TANC1: variants seen among roughly 807,000 people sequenced by gnomAD.
TANC1 encodes the protein protein TANC1.
A neutral mutation model predicts 149.7 loss-of-function variants in TANC1; 77 were observed. That is an observed-to-expected ratio of 0.51 (90% CI 0.43 to 0.62). The LOEUF (loss-of-function observed/expected upper bound fraction) is 0.62. Ranked by LOEUF, TANC1 falls within the 20% of genes least tolerant of loss-of-function variation. TANC1 has a pLI of 0.00. For missense variants in TANC1, 1,985 were observed against 2,321.8 expected (o/e 0.85, Z 2.98); for synonymous variants, 854 against 925.0 (o/e 0.92, Z 1.39).
intron 19 of TANC1, among the ~76,000 whole-genome samples, chr2:159,213,704 G>A (rs984562826): frequency 2.6e-5 from 4 of 152,126 alleles, no homozygotes; most frequent in African/African-American, 4.8e-5. Flanking sequence ...TGTTAAGAAC[G>A]GCTCTTCCTG....
chr2:159,230,739 T>C lies in TANC1; in HGVS notation c.5313T>C (p.Ser1771=), dbSNP rs760595996. ...AGTCTGCTAACACTGAGAAGCCCTC[T>C]CTCATGCAAGTGGGAGGATATAATA... ...GLQSANTEKP[S]LMQVGGYNNQ... is the part of the protein sequence containing the mutation. Residue 1771 remains serine, a synonymous_variant, in exon 27 of 27, where the codon TCT becomes TCC. Coordinates refer to ENST00000263635, the MANE Select transcript of TANC1 (RefSeq NM_033394.3). The surrounding 1 kb of genome is among the most constrained non-coding windows in gnomAD (Gnocchi z 4.4). 6.2e-6 allele frequency: 10 copies of C among 1,614,184 alleles called. No homozygotes were observed. Among genetic ancestry groups the C allele is most frequent in the East Asian group, 2.2e-5 (1 of 44,882 alleles).
At chr2:158,992,128 T>C (rs1013211697) in intron 1 of TANC1, among the ~76,000 whole-genome samples, 2 of 152,112 alleles carry the variant, frequency 1.3e-5, no homozygotes, top group East Asian at 3.9e-4. Context: ...TTTGGGAGGC[T>C]GAGACAGGCA....
intron 2 of TANC1, among the ~76,000 whole-genome samples, chr2:159,009,686 A>G (rs2037572165): frequency 6.6e-6 from 1 of 152,176 alleles, no homozygotes; most frequent in Non-Finnish European, 1.5e-5. Flanking sequence ...TCCTATAGCA[A>G]TCTCAGGTGA....
At chr2:159,136,049 T>TGTGCGA in intron 4 of TANC1, 145 bp from the exon 5 acceptor site, 1 of 90,880 alleles carries the variant, frequency 1.1e-5, no homozygotes, top group Non-Finnish European at 2.1e-5. Flanking sequence ...TGTGTGTGTG[T>TGTGCGA]GCGCGCGCGC....
chr2:159,000,330 G>T (rs766545604), intron 1 of TANC1, among the ~76,000 whole-genome samples: 1 of 152,166 alleles, frequency 6.6e-6, no homozygotes, highest in East Asian at 1.9e-4. Flanking sequence ...GTGTTAGCAC[G>T]TCAAGCCTGC....
intron 2 of TANC1, among the ~76,000 whole-genome samples, chr2:159,008,555 C>T (rs1226725516): frequency 6.6e-6 from 1 of 152,132 alleles, no homozygotes; most frequent in Non-Finnish European, 1.5e-5. Flanking sequence ...ATACCCAAAA[C>T]GTCGAATCTT....
At chr2:159,022,083 T>A (rs1016008353) in intron 2 of TANC1, among the ~76,000 whole-genome samples, 7 of 152,254 alleles carry the variant, frequency 4.6e-5, no homozygotes, top group Admixed American at 1.3e-4. Context: ...GAAATCCTGG[T>A]ATACGTAACT....
At chr2:158,982,845 A>C (rs2034532097) in intron 1 of TANC1, among the ~76,000 whole-genome samples, 1 of 152,006 alleles carries the variant, frequency 6.6e-6, no homozygotes, top group African/African-American at 2.4e-5. Flanking sequence ...GCTGGTCTCG[A>C]ATGCCTGGGC....
chr2:159,124,823 T>C (rs2049229726), intron 4 of TANC1, among the ~76,000 whole-genome samples: 1 of 151,234 alleles, frequency 6.6e-6, no homozygotes, highest in Admixed American at 6.6e-5. Context: ...CACTGCAGCC[T>C]CGACTTGTGT....
At chr2:159,210,342 T>G (rs2058901421) in intron 19 of TANC1, among the ~76,000 whole-genome samples, 1 of 152,190 alleles carries the variant, frequency 6.6e-6, no homozygotes, top group South Asian at 2.1e-4. Context: ...GAGCACATCC[T>G]GTGAATTTGA....
intron 4 of TANC1, among the ~76,000 whole-genome samples, chr2:159,130,545 T>C (rs1036549660): frequency 1.3e-5 from 2 of 152,178 alleles, no homozygotes; most frequent in Admixed American, 6.5e-5. Flanking sequence ...TCATGTGTGA[T>C]TGGCGCTTGG....
chr2:159,127,964 A>G (rs918317039), intron 4 of TANC1, among the ~76,000 whole-genome samples: 1 of 152,250 alleles, frequency 6.6e-6, no homozygotes, highest in Non-Finnish European at 1.5e-5. Flanking sequence ...CGTTGCACCA[A>G]TGAATAAAGG....
intron 3 of TANC1, among the ~76,000 whole-genome samples, chr2:159,093,474 G>A (rs190878781): frequency 2.0e-5 from 3 of 152,210 alleles, no homozygotes; most frequent in Admixed American, 2.0e-4. Flanking sequence ...TTCTGCCCGT[G>A]GCATCATCGT....
chr2:159,169,394 G>T, intron 9 of TANC1, 22 bp downstream of exon 9: 1 of 1,611,988 alleles, frequency 6.2e-7, no homozygotes, highest in South Asian at 1.1e-5. Flanking sequence ...GGCATCAGCT[G>T]CGATAATGGT....
chr2:159,008,515 A>G (rs1055045114), intron 2 of TANC1, among the ~76,000 whole-genome samples: 1 of 152,164 alleles, frequency 6.6e-6, no homozygotes, highest in Non-Finnish European at 1.5e-5. Flanking sequence ...TAATGATTCA[A>G]CGTTCACTTC....
chr2:159,207,718 A>AC (rs2058715269), intron 19 of TANC1, among the ~76,000 whole-genome samples: 1 of 149,442 alleles, frequency 6.7e-6, no homozygotes, highest in Non-Finnish European at 1.5e-5. Context: ...AAAAAAAAAA[A>AC]AAAAAAAAAC....
rs539535324 is a variant in TANC1, at chr2:159,153,215, G to A, written c.682+2659G>A. ...TTCAGTTTATAAAGAAGCTATGCAGGATCCCCATTCCACATGGGCTTTGTC... is the reference window on the plus strand; with the variant it reads ...TTCAGTTTATAAAGAAGCTATGCAGAATCCCCATTCCACATGGGCTTTGTC... On this transcript the variant is annotated intron_variant, in intron 7 of 26. Transcript: ENST00000263635. 4.6e-5 allele frequency among the ~76,000 whole-genome samples: 7 copies of A among 152,332 alleles called. No homozygotes were observed. In the East Asian group the frequency reaches 1.3e-3, roughly 29 times the overall value.
At chr2:159,105,301 TAC>T (rs2047068694) in intron 4 of TANC1, among the ~76,000 whole-genome samples, 2 of 147,660 alleles carry the variant, frequency 1.4e-5, no homozygotes, top group Non-Finnish European at 3.1e-5. Context: ...GCCAGATACT[TAC>T]TTTTTAAAAA....
intron 7 of TANC1, among the ~76,000 whole-genome samples, chr2:159,152,604 C>G (rs568536741): frequency 3.3e-5 from 5 of 152,022 alleles, no homozygotes; most frequent in Non-Finnish European, 5.9e-5. Context: ...ATCCTCCCAC[C>G]TCAGGTTCCC....
Sources: gnomAD v4.1 joint callset for allele counts (sites outside exome capture counted in the v4.1 genomes callset) on GRCh38, gnomAD v4.1.1 for gene constraint, Gnocchi (gnomAD v3.1) non-coding constraint, MANE v1.5 for transcripts, NCBI Gene and HGNC (gene_info 2026-07-23, HGNC 2026-07-21) for gene names.